The following NFIA variants were observed in gnomAD, a reference collection of about 807,000 sequenced individuals.
The protein encoded by NFIA is nuclear factor 1 A-type.
Under a neutral mutation model 62.8 loss-of-function variants are expected in NFIA, and 8 were observed. The ratio of observed to expected loss-of-function variants is 0.13; its 90% CI spans 0.07 to 0.23. The LOEUF is 0.23. NFIA is among the 10% of genes least tolerant of loss of function. The probability of loss-of-function intolerance (pLI) is 1.00; values close to 1 mark genes in which losing one functional copy is unlikely to be tolerated. For missense variants in NFIA, 410 were observed against 642.1 expected (o/e 0.64, Z 3.91); for synonymous variants, 235 against 238.1 (o/e 0.99, Z 0.12).
At chr1:61,305,734 CAG>C (rs1487294177) in intron 3 of NFIA, among the ~76,000 whole-genome samples, 3 of 152,030 alleles carry the variant, frequency 2.0e-5, no homozygotes, top group African/African-American at 7.2e-5. Context: ...TCCCGTTTAA[CAG>C]AAGAAGACTC....
At chr1:61,326,363 GTTCATT>G (rs1660934686) in intron 3 of NFIA, among the ~76,000 whole-genome samples, 1 of 152,200 alleles carries the variant, frequency 6.6e-6, no homozygotes, top group Non-Finnish European at 1.5e-5. Flanking sequence ...TATGTGGATG[GTTCATT>G]TTCATAGTTT....
chr1:61,403,776 C>T (rs941682843), intron 7 of NFIA, among the ~76,000 whole-genome samples: 4 of 152,166 alleles, frequency 2.6e-5, no homozygotes, highest in African/African-American at 9.7e-5. Context: ...TCTAATCTAC[C>T]AAATACATTT....
At chr1:61,409,432 G>A (rs1449373938) in intron 9 of NFIA, among the ~76,000 whole-genome samples, 16 of 152,268 alleles carry the variant, frequency 1.1e-4, no homozygotes, top group African/African-American at 3.8e-4. Context: ...GGCTGGGAGA[G>A]CTGTAATTTA....
chr1:61,171,256 T>C (rs1649947886), intron 2 of NFIA, among the ~76,000 whole-genome samples: 1 of 152,224 alleles, frequency 6.6e-6, no homozygotes, highest in Non-Finnish European at 1.5e-5. Flanking sequence ...AAAAAAAGTA[T>C]TACAATAGGA....
At chr1:61,214,952 G>C (rs1653516871) in intron 2 of NFIA, among the ~76,000 whole-genome samples, 1 of 152,110 alleles carries the variant, frequency 6.6e-6, no homozygotes, top group Non-Finnish European at 1.5e-5. Flanking sequence ...AAGAGCTGCA[G>C]AGATCAAGGA....
chr1:61,279,183 C>T (rs1012299830), intron 3 of NFIA, among the ~76,000 whole-genome samples: 1 of 152,020 alleles, frequency 6.6e-6, no homozygotes, highest in African/African-American at 2.4e-5. Flanking sequence ...GATAGGCAAA[C>T]GGAATTATGT....
At chr1:61,400,267 C>A (rs1407494672) in intron 7 of NFIA, among the ~76,000 whole-genome samples, 2 of 152,176 alleles carry the variant, frequency 1.3e-5, no homozygotes, top group African/African-American at 2.4e-5. Context: ...GCCAAAGAAA[C>A]CTGATCAAAT....
chr1:61,222,727 T>C (rs1472245195), intron 2 of NFIA, among the ~76,000 whole-genome samples: 3 of 152,054 alleles, frequency 2.0e-5, no homozygotes, highest in African/African-American at 2.4e-5. Context: ...GAATACTCCT[T>C]TAGAGTAGGT....
chr1:61,217,955 A>G (rs1348404417), intron 2 of NFIA, among the ~76,000 whole-genome samples: 2 of 152,230 alleles, frequency 1.3e-5, no homozygotes, highest in African/African-American at 4.8e-5. Context: ...AAATGAGGTA[A>G]TGCCTAAAAG....
At chr1:61,194,769 G>A (rs1292873608) in intron 2 of NFIA, among the ~76,000 whole-genome samples, 1 of 152,056 alleles carries the variant, frequency 6.6e-6, no homozygotes, top group Non-Finnish European at 1.5e-5. Flanking sequence ...ATCCCATGCT[G>A]ATCACTTTTC....
chr1:61,266,250 A>C (rs1447882506), intron 2 of NFIA, among the ~76,000 whole-genome samples: 1 of 152,180 alleles, frequency 6.6e-6, no homozygotes, highest in African/African-American at 2.4e-5. Flanking sequence ...ACCATCTTCC[A>C]GTCATAGAGT....
chr1:61,456,806 CA>C lies in NFIA; in HGVS notation c.*1492del, dbSNP rs1668325908. 2.8e-5 allele frequency: 3 copies of C among 106,952 alleles called. No homozygotes were observed. The highest frequency in any genetic ancestry group is 2.5e-4 in the South Asian group (1 of 4,076). 6.6% of individuals were successfully genotyped at this position (106,952 alleles called of 1,614,324 possible). ...GTCCTGTATCTTATGAAAAAAAAAA[CA>C]AAAAACAAAAACAAAAAAAAAACAC... On this transcript the variant is annotated 3_prime_UTR_variant, in exon 11 of 11. Transcript: ENST00000403491.
chr1:61,106,805 TTCC>T (rs1184803635), intron 2 of NFIA, among the ~76,000 whole-genome samples: 3 of 151,616 alleles, frequency 2.0e-5, no homozygotes, highest in Non-Finnish European at 4.4e-5. Context: ...TACCCTGAAA[TTCC>T]TCCTATTATC....
intron 4 of NFIA, among the ~76,000 whole-genome samples, chr1:61,345,877 G>T (rs1013819922): frequency 4.6e-5 from 7 of 152,148 alleles, no homozygotes; most frequent in African/African-American, 1.4e-4. Context: ...AAAACCCTTA[G>T]CCCAACTTCT....
At position 61,252,967 on chromosome 1, in the gene NFIA, G is replaced by A. The variant is rs573814668; in HGVS notation, c.560-24553G>A. Among the ~76,000 whole-genome samples, 3 of 152,324 alleles carry A rather than the reference G, an allele frequency of 2.0e-5. No individual in the cohort carries two copies. In the South Asian group the frequency reaches 6.2e-4, roughly 32 times the overall value. ...GGGAAAAAAAGGGAATTGGCAGATA[G>A]AGTTTATATCTTGGGATGAGATGTG... is the stretch of plus-strand genomic sequence containing the variant. On this transcript the variant is annotated intron_variant, in intron 2 of 10. Coordinates refer to ENST00000403491, the MANE Select transcript of NFIA (RefSeq NM_001134673.4).
At chr1:61,078,267 A>C (rs1236800298), upstream of NFIA, among the ~76,000 whole-genome samples, 1 of 152,158 alleles carries the variant, frequency 6.6e-6, no homozygotes, top group Non-Finnish European at 1.5e-5. Context: ...GTTTAAGAAA[A>C]AAAAAAAAGC....
At chr1:61,295,014 G>A (rs1659112633) in intron 3 of NFIA, among the ~76,000 whole-genome samples, 1 of 152,234 alleles carries the variant, frequency 6.6e-6, no homozygotes, top group Non-Finnish European at 1.5e-5. Context: ...GACACAGCAA[G>A]ATGGTTTCGA....
intron 1 of NFIA, among the ~76,000 whole-genome samples, chr1:61,083,143 C>T (rs1646147366): frequency 6.6e-6 from 1 of 152,184 alleles, no homozygotes. Flanking sequence ...GCAGTGTTTT[C>T]GGACACCCCG....
In NFIA at chr1:61,138,669, T is replaced by A. The variant is rs1277777206; in HGVS notation, c.559+49989T>A. ...AATCTCAGCTCACTGCAACCTCCGC[T>A]TCCTGGGTTCCAGAAATCTCCCTCC... On this transcript the variant is annotated intron_variant, in intron 2 of 10. Transcript: ENST00000403491. Among the ~76,000 whole-genome samples the A allele has an allele frequency of 5.9e-5, 9 of 151,886 alleles. No individual in the cohort carries two copies. In the South Asian group the frequency reaches 6.2e-4, roughly 11 times the overall value.
Sources: gnomAD v4.1 joint callset for allele counts (sites outside exome capture counted in the v4.1 genomes callset) on GRCh38, gnomAD v4.1.1 for gene constraint, MANE v1.5 for transcripts, NCBI Gene and HGNC (gene_info 2026-07-23, HGNC 2026-07-21) for gene names.